Variants in SNTG2 observed in about 807,000 individuals in gnomAD.
SNTG2 encodes the protein syntrophin gamma 2, also known as gamma-2-syntrophin.
Under a neutral mutation model 70.9 loss-of-function variants are expected in SNTG2, and 74 were observed. The observed-to-expected ratio is 1.04, with a 90% confidence interval of 0.86 to 1.27. The LOEUF (loss-of-function observed/expected upper bound fraction) is 1.27, where lower values mean the gene tolerates loss of function less well. Ranked by LOEUF, SNTG2 falls within the 50% of genes most tolerant of loss-of-function variation. SNTG2 has a pLI of 0.00. For synonymous variants in SNTG2, 278 were observed against 273.8 expected (o/e 1.02, Z -0.15); for missense variants, 717 against 690.7 (o/e 1.04, Z -0.43).
intron 1 of SNTG2, among the ~76,000 whole-genome samples, chr2:1,031,521 T>TATATATATATAC: frequency 1.7e-5 from 1 of 59,660 alleles, no homozygotes; most frequent in African/African-American, 7.7e-5. Context: ...TATATATATA[T>TATATATATATAC]ATATATATTT....
At chr2:1,153,449 A>G (rs1208369251) in intron 6 of SNTG2, among the ~76,000 whole-genome samples, 1 of 152,226 alleles carries the variant, frequency 6.6e-6, no homozygotes, top group African/African-American at 2.4e-5. Flanking sequence ...CGAATGACAC[A>G]TCAAAAGGAT....
chr2:1,065,925 G>T (rs1334802397), intron 1 of SNTG2, among the ~76,000 whole-genome samples: 1 of 152,054 alleles, frequency 6.6e-6, no homozygotes, highest in Non-Finnish European at 1.5e-5. Context: ...TAACTTACAG[G>T]TTACAAAAAT....
At chr2:1,305,685 A>C (rs116405402) in intron 14 of SNTG2, among the ~76,000 whole-genome samples, 1,556 of 152,314 alleles carry the variant, frequency 0.01, 24 homozygotes, top group African/African-American at 0.035. Context: ...ATGATGAGAC[A>C]CTCTATGTGT....
intron 8 of SNTG2, among the ~76,000 whole-genome samples, chr2:1,205,959 A>T (rs187185387): frequency 6.6e-6 from 1 of 152,180 alleles, no homozygotes; most frequent in Non-Finnish European, 1.5e-5. Context: ...AGAGGAAAAC[A>T]TGTTCTGTTT....
intron 1 of SNTG2, among the ~76,000 whole-genome samples, chr2:992,086 C>G (rs548448624): frequency 6.6e-6 from 1 of 152,010 alleles, no homozygotes; most frequent in Non-Finnish European, 1.5e-5. Flanking sequence ...GCATGCGAAG[C>G]AGATAATGGA....
chr2:1,226,598 G>A (rs558096962), intron 9 of SNTG2, among the ~76,000 whole-genome samples: 5 of 152,292 alleles, frequency 3.3e-5, no homozygotes, highest in African/African-American at 1.2e-4. Flanking sequence ...CACACCGAGA[G>A]AAACGTGGGA....
intron 16 of SNTG2, among the ~76,000 whole-genome samples, chr2:1,331,381 C>A (rs934466336): frequency 6.6e-6 from 1 of 152,234 alleles, no homozygotes; most frequent in Non-Finnish European, 1.5e-5. Flanking sequence ...GACTGGAATA[C>A]TGTGAAGCAG....
In SNTG2 at chr2:1,247,429, T is replaced by G. The variant is rs1311439479; in HGVS notation, c.991T>G (p.Phe331Val). ...LALKGPSFYV[F>V]STPPVSTFDW... ...ACTGAAGGGCCCGTCCTTCTACGTT[T>G]TCAGCACTCCTCCGGTAAGGATGCT... Residue 331 changes from phenylalanine (F) to valine (V), a missense_variant, in exon 12 of 17, where the codon TTC becomes GTC. Coordinates refer to ENST00000308624, the MANE Select transcript of SNTG2 (RefSeq NM_018968.4). 6.2e-7 allele frequency: 1 copy of G among 1,612,710 alleles called. No individual in the cohort carries two copies.
intron 9 of SNTG2, among the ~76,000 whole-genome samples, chr2:1,210,242 C>T (rs1673949351): frequency 6.6e-6 from 1 of 151,972 alleles, no homozygotes; most frequent in South Asian, 2.1e-4. Context: ...CAGATTTGTG[C>T]CCATCTTTGG....
intron 4 of SNTG2, among the ~76,000 whole-genome samples, chr2:1,129,694 A>G (rs547843157): frequency 6.6e-6 from 1 of 152,304 alleles, no homozygotes; most frequent in South Asian, 2.1e-4. Context: ...ATCCTTTTGA[A>G]GTGAAACTGG....
chr2:1,206,736 GA>G (rs964326158), intron 8 of SNTG2, among the ~76,000 whole-genome samples: 7 of 152,024 alleles, frequency 4.6e-5, no homozygotes, highest in Admixed American at 3.3e-4. Context: ...ATTTTATAAA[GA>G]AAAAATGGGT....
chr2:1,255,990 A>T lies in SNTG2; in HGVS notation c.1006-3380A>T, dbSNP rs951920693. Among the ~76,000 whole-genome samples, 8 of 148,328 alleles carry T rather than the reference A, an allele frequency of 5.4e-5. No homozygotes were observed. The Admixed American group carries it at 5.5e-4, about 10-fold the overall frequency. ...TACACATACGTATGTATAGCCACGC[A>T]TTGCTTAAGGACAGGTATATATTCC... is the stretch of plus-strand genomic sequence containing the variant. On this transcript the variant is annotated intron_variant, in intron 12 of 16. Coordinates refer to ENST00000308624, the MANE Select transcript of SNTG2 (RefSeq NM_018968.4).
chr2:1,340,730 G>T (rs1241572631), intron 16 of SNTG2, among the ~76,000 whole-genome samples: 4 of 151,886 alleles, frequency 2.6e-5, no homozygotes, highest in African/African-American at 9.7e-5. Flanking sequence ...AAGCATCCTA[G>T]GTTTGCTATT....
intron 1 of SNTG2, among the ~76,000 whole-genome samples, chr2:1,080,339 T>C (rs1432439490): frequency 1.3e-5 from 2 of 152,198 alleles, no homozygotes; most frequent in East Asian, 1.9e-4. Flanking sequence ...CTGTGACTTA[T>C]TTTTATAGGA....
intron 1 of SNTG2, among the ~76,000 whole-genome samples, chr2:973,114 T>C (rs1183006676): frequency 3.3e-5 from 5 of 152,348 alleles, no homozygotes; most frequent in Admixed American, 2.0e-4. Context: ...GTAATTCTTA[T>C]AGCAAATTAA....
Position 1,134,727 on chromosome 2 carries a change from C to T in SNTG2, c.326-2895C>T, listed in dbSNP as rs1320948459. Among the ~76,000 whole-genome samples, 4 of 152,226 alleles carry T rather than the reference C, an allele frequency of 2.6e-5. No individual in the cohort carries two copies. In the South Asian group the frequency reaches 6.2e-4, roughly 24 times the overall value. On this transcript the variant is annotated intron_variant, in intron 4 of 16. Transcript: ENST00000308624. ...TGCCAGTCCTGCCCCTGCGCCCGCA[C>T]TCCTCAGCCATTGGGTGGTTGATGG... is the stretch of plus-strand genomic sequence containing the variant.
chr2:1,308,784 G>C (rs1680834546), intron 15 of SNTG2, among the ~76,000 whole-genome samples, 198 bp downstream of exon 15: 1 of 152,178 alleles, frequency 6.6e-6, no homozygotes, highest in Non-Finnish European at 1.5e-5. Context: ...AGGGTGTCTG[G>C]CCAATAGGAT....
intron 1 of SNTG2, among the ~76,000 whole-genome samples, chr2:1,038,430 G>C (rs1661252686): frequency 6.6e-6 from 1 of 152,208 alleles, no homozygotes; most frequent in Admixed American, 6.5e-5. Context: ...AATGAACAGT[G>C]ACTTCTCAAA....
intron 4 of SNTG2, among the ~76,000 whole-genome samples, chr2:1,128,042 CT>C (rs1667804315): frequency 6.6e-6 from 1 of 152,082 alleles, no homozygotes; most frequent in Non-Finnish European, 1.5e-5. Context: ...CAGATTTCAG[CT>C]TTTCCATTAA....
Sources: allele counts gnomAD v4.1 joint callset (sites outside exome capture counted in the v4.1 genomes callset), GRCh38; gene constraint gnomAD v4.1.1; transcripts MANE v1.5; gene names NCBI Gene and HGNC (gene_info 2026-07-23, HGNC 2026-07-21).